The following EHBP1 variants were observed in gnomAD, a reference collection of about 807,000 sequenced individuals.
The protein encoded by EHBP1 is EH domain binding protein 1.
EHBP1 carries 55 observed loss-of-function variants against 144.0 expected under a neutral mutation model. The ratio of observed to expected loss-of-function variants is 0.38; its 90% confidence interval spans 0.31 to 0.48. EHBP1 has a LOEUF of 0.48. Among genes scored for constraint, EHBP1 ranks in the 20% least tolerant of loss-of-function variants. The probability of loss-of-function intolerance (pLI) is 0.98; values close to 1 mark genes in which losing one functional copy is unlikely to be tolerated. For missense variants in EHBP1, 1,200 were observed against 1,364.2 expected, an observed-to-expected ratio of 0.88 and a Z score of 1.90; for synonymous variants, 469 against 472.7, an observed-to-expected ratio of 0.99 and a Z score of 0.10.
intron 2 of EHBP1, among the ~76,000 whole-genome samples, chr2:62,745,390 G>T (rs576217242): frequency 5.1e-4 from 78 of 152,042 alleles, no homozygotes; most frequent in Admixed American, 7.2e-4. Flanking sequence ...ATATGGAATG[G>T]GTGGGAGGGG....
At chr2:62,709,020 A>T (rs2151816519) in intron 2 of EHBP1, among the ~76,000 whole-genome samples, 1 of 152,310 alleles carries the variant, frequency 6.6e-6, no homozygotes, top group African/African-American at 2.4e-5. Context: ...GGAACATAGT[A>T]AAAGATTATG....
intron 19 of EHBP1, among the ~76,000 whole-genome samples, chr2:63,011,100 G>A (rs1191736397): frequency 6.7e-6 from 1 of 150,140 alleles, no homozygotes; most frequent in African/African-American, 2.4e-5. Context: ...GATTACTCCT[G>A]GGTTTTGCAT....
At chr2:62,871,841 A>G (rs2050515570) in intron 9 of EHBP1, among the ~76,000 whole-genome samples, 1 of 152,172 alleles carries the variant, frequency 6.6e-6, no homozygotes, top group African/African-American at 2.4e-5. Context: ...TAGCAACTGC[A>G]TGGGTTTCTC....
chr2:62,715,414 G>A (rs899584816), intron 2 of EHBP1, among the ~76,000 whole-genome samples: 7 of 151,384 alleles, frequency 4.6e-5, no homozygotes, highest in Admixed American at 2.6e-4. Flanking sequence ...GTGCCCAGCC[G>A]AGTCACCGTG....
intron 14 of EHBP1, among the ~76,000 whole-genome samples, chr2:62,965,335 A>G (rs149257197): frequency 8.6e-4 from 131 of 152,348 alleles, no homozygotes; most frequent in African/African-American, 3.1e-3. Context: ...CTCTTCATTA[A>G]GAAATATGCA....
intron 10 of EHBP1, among the ~76,000 whole-genome samples, chr2:62,906,530 T>C (rs1558891858): frequency 6.6e-6 from 1 of 152,262 alleles, no homozygotes; most frequent in Non-Finnish European, 1.5e-5. Flanking sequence ...TTTATCCAGC[T>C]TATTCCTAAG....
At chr2:62,827,764 T>C (rs1224465757) in intron 6 of EHBP1, among the ~76,000 whole-genome samples, 1 of 151,536 alleles carries the variant, frequency 6.6e-6, no homozygotes, top group Admixed American at 6.6e-5. Context: ...ACCTCCTGGG[T>C]TCAAGTGATT....
At chr2:62,764,613 T>C (rs2041032098) in intron 4 of EHBP1, among the ~76,000 whole-genome samples, 2 of 152,128 alleles carry the variant, frequency 1.3e-5, no homozygotes, top group East Asian at 3.9e-4. Context: ...TCCTACACTC[T>C]ACCCACAGAA....
At chr2:62,972,329 G>T (rs1165476210) in intron 14 of EHBP1, among the ~76,000 whole-genome samples, 1 of 152,046 alleles carries the variant, frequency 6.6e-6, no homozygotes, top group Non-Finnish European at 1.5e-5. Context: ...CTACTCTCTA[G>T]TCATTTTATC....
intron 5 of EHBP1, among the ~76,000 whole-genome samples, chr2:62,777,172 T>C (rs2042107114): frequency 6.6e-6 from 1 of 152,110 alleles, no homozygotes; most frequent in Non-Finnish European, 1.5e-5. Flanking sequence ...GAGTCTCCCT[T>C]TGTTGACTAG....
intron 4 of EHBP1, among the ~76,000 whole-genome samples, chr2:62,771,128 G>A (rs2041626044): frequency 6.6e-6 from 1 of 152,036 alleles, no homozygotes; most frequent in African/African-American, 2.4e-5. Flanking sequence ...GTTTACCTAT[G>A]TAACAAACCT....
chr2:62,879,546 A>AACACACACACACACACACACAC (rs70962798), intron 10 of EHBP1, among the ~76,000 whole-genome samples: 4 of 133,792 alleles, frequency 3.0e-5, no homozygotes, highest in Non-Finnish European at 1.6e-5. Context: ...TATTCACAAT[A>AACACACACACACACACACACAC]ACACACACAC....
At chr2:62,838,699 A>G (rs1337183347) in intron 7 of EHBP1, among the ~76,000 whole-genome samples, 1 of 151,816 alleles carries the variant, frequency 6.6e-6, no homozygotes, top group Non-Finnish European at 1.5e-5. Context: ...ACCATCAAAG[A>G]ATACTACAAA....
At chr2:62,830,191 C>CATAT (rs1553434292) in intron 6 of EHBP1, among the ~76,000 whole-genome samples, 1 of 106,182 alleles carries the variant, frequency 9.4e-6, no homozygotes, top group Non-Finnish European at 2.1e-5. Context: ...CACACACACA[C>CATAT]ACACATATAT....
chr2:62,987,042 G>A (rs550980718), intron 15 of EHBP1, among the ~76,000 whole-genome samples: 1 of 152,248 alleles, frequency 6.6e-6, no homozygotes, highest in East Asian at 1.9e-4. Context: ...GGGCTACAGA[G>A]CTATTTCTTC....
chr2:62,963,651 A>T (rs1222092422), intron 14 of EHBP1, among the ~76,000 whole-genome samples: 1 of 152,236 alleles, frequency 6.6e-6, no homozygotes, highest in Non-Finnish European at 1.5e-5. Context: ...TGTTAGGAAG[A>T]AGTACGTTAA....
chr2:62,761,145 T>C (rs1176826693), intron 3 of EHBP1, among the ~76,000 whole-genome samples: 3 of 152,116 alleles, frequency 2.0e-5, no homozygotes, highest in Non-Finnish European at 4.4e-5. Flanking sequence ...TTTTGATTGA[T>C]TATCTAGGGT....
chr2:62,973,159 A>G (rs2539979), intron 14 of EHBP1, among the ~76,000 whole-genome samples: 128,729 of 152,112 alleles, frequency 0.85, 54,787 homozygotes, highest in African/African-American at 0.93. Flanking sequence ...GATAGCTTGC[A>G]AGAAAAAAAT....
chr2:62,967,204 A>G (rs2058283983), intron 14 of EHBP1, among the ~76,000 whole-genome samples: 1 of 152,200 alleles, frequency 6.6e-6, no homozygotes, highest in African/African-American at 2.4e-5. Context: ...TCATTGCGCT[A>G]CAATTTGGCT....
Sources: gnomAD v4.1 joint callset for allele counts (sites outside exome capture counted in the v4.1 genomes callset) on GRCh38, gnomAD v4.1.1 for gene constraint, MANE v1.5 for transcripts, NCBI Gene and HGNC (gene_info 2026-07-23, HGNC 2026-07-21) for gene names.